The following SART3 variants were observed in gnomAD, a reference collection of about 807,000 sequenced individuals.
SART3 encodes spliceosome associated factor 3, U4/U6 recycling protein.
In SART3, 44 loss-of-function variants were observed where a neutral mutation model predicts 122.3. The observed-to-expected ratio is 0.36, with a 90% CI of 0.28 to 0.46. SART3 has a LOEUF of 0.46. SART3 is among the 20% of genes least tolerant of loss of function. SART3 has a pLI of 1.00. For synonymous variants in SART3, 442 were observed against 454.0 expected (o/e 0.97, Z 0.34); for missense variants, 1,101 against 1,229.0 (o/e 0.90, Z 1.56).
chr12:108,540,051 A>T (rs1873087047), intron 6 of SART3, among the ~76,000 whole-genome samples: 1 of 152,200 alleles, frequency 6.6e-6, no homozygotes, highest in African/African-American at 2.4e-5. Context: ...TTGGCAAAGA[A>T]AGATAGAAAA....
chr12:108,540,080 A>G (rs1873089430), intron 6 of SART3, among the ~76,000 whole-genome samples: 1 of 152,212 alleles, frequency 6.6e-6, no homozygotes, highest in South Asian at 2.1e-4. Flanking sequence ...AAGAAGCCCA[A>G]AAAACTTCAA....
chr12:108,560,781 G>A lies in SART3; in HGVS notation c.312+62C>T, dbSNP rs139412421. 101 of 1,471,324 alleles carry A rather than the reference G, an allele frequency of 6.9e-5. No individual in the cohort carries two copies. In the African/African-American group the frequency reaches 1.2e-3, roughly 18 times the overall value. 91.1% of individuals were successfully genotyped at this position (1,471,324 alleles called of 1,614,324 possible). ...CGCCGAGGACTAGGGAGGCGGGCCAGGACATGGGGACCCGAGGACCTGAAA... is the reference window on the plus strand; with the variant it reads ...CGCCGAGGACTAGGGAGGCGGGCCAAGACATGGGGACCCGAGGACCTGAAA... On this transcript the variant is annotated intron_variant, in intron 1 of 18. Transcript: ENST00000546815.
At chr12:108,527,715 G>A (rs1222142539) in intron 15 of SART3, among the ~76,000 whole-genome samples, 2 of 152,172 alleles carry the variant, frequency 1.3e-5, no homozygotes, top group Non-Finnish European at 2.9e-5. Context: ...TCACACATCT[G>A]TATTAAGAAA....
intron 13 of SART3, 142 bp downstream of exon 13, chr12:108,532,080 C>T: frequency 1.1e-5 from 8 of 704,864 alleles, no homozygotes; most frequent in Non-Finnish European, 1.8e-5. Context: ...TTTCAGGACA[C>T]TTGTGACAGT....
At chr12:108,556,236 C>T (rs999114810) in intron 1 of SART3, among the ~76,000 whole-genome samples, 5 of 152,110 alleles carry the variant, frequency 3.3e-5, no homozygotes, top group Non-Finnish European at 5.9e-5. Flanking sequence ...CTACTACAAG[C>T]TCATGCCACC....
In SART3 at chr12:108,531,189, A is replaced by G. The variant is rs1177988623; in HGVS notation, c.1746+15T>C. Reference sequence around the variant, plus strand: ...AGCTACCAGAGGTGCCAAAGACTTCAAACATTGTCATTACCTTCATTCTCT... The same window carrying G: ...AGCTACCAGAGGTGCCAAAGACTTCGAACATTGTCATTACCTTCATTCTCT... On this transcript the variant is annotated intron_variant, in intron 14 of 18. Transcript: ENST00000546815. 6.2e-7 allele frequency: 1 copy of G among 1,612,960 alleles called. No homozygotes were observed.
Position 108,558,997 on chromosome 12 carries a change from C to T in SART3, c.312+1846G>A, listed in dbSNP as rs531510337. 8.6e-5 allele frequency among the ~76,000 whole-genome samples: 12 copies of T among 140,260 alleles called. No individual in the cohort carries two copies. The East Asian group carries it at 2.5e-3, about 30-fold the overall frequency. 92.0% of individuals were successfully genotyped at this position (140,260 alleles called of 152,430 possible). Reference sequence around the variant, plus strand: ...GCAGTGAGCCGAGATCGTGCCACTGCACTCCAGCCTGGGCCACAGAGCAAG... The same window carrying T: ...GCAGTGAGCCGAGATCGTGCCACTGTACTCCAGCCTGGGCCACAGAGCAAG... On this transcript the variant is annotated intron_variant, in intron 1 of 18. Transcript: ENST00000546815.
chr12:108,548,611 C>T (rs1472505424), intron 2 of SART3, among the ~76,000 whole-genome samples: 1 of 152,168 alleles, frequency 6.6e-6, no homozygotes, highest in Non-Finnish European at 1.5e-5. Flanking sequence ...TATTAATATT[C>T]ATGAAGATTG....
rs368454974 is a variant in SART3, at chr12:108,530,189, C to T, written c.1868G>A (p.Arg623His). 2.0e-5 allele frequency: 33 copies of T among 1,614,062 alleles called. No individual in the cohort carries two copies. The highest frequency in any genetic ancestry group is 8.8e-5 in the South Asian group (8 of 91,088). Residue 623 changes from arginine (R) to histidine (H), a missense_variant, in exon 15 of 19, where the codon CGC becomes CAC. Around this residue, in one of 2 missense-constraint regions of SART3, gnomAD observed 885 missense variants for 1,080.1 expected, o/e 0.82. Transcript: ENST00000546815. ...KKKKIRGPEK[R>H]GADEDDEKEW... ...TTTCTCATCATCCTCATCTGCTCCG[C>T]GCTTCTCTGGGCCTCTGATCTTTTT...
chr12:108,559,039 G>GAAAAAAAAA (rs747479698), intron 1 of SART3, among the ~76,000 whole-genome samples: 18 of 103,892 alleles, frequency 1.7e-4, no homozygotes, highest in East Asian at 2.9e-4. Context: ...TCTCAAAAAA[G>GAAAAAAAAA]AAAAAAAAAA....
At chr12:108,523,820 C>T (rs1429117443) in intron 18 of SART3, 186 bp from the exon 19 acceptor site, 23 of 655,260 alleles carry the variant, frequency 3.5e-5, no homozygotes, top group Non-Finnish European at 5.8e-5. Context: ...CAGACTTGGC[C>T]TTGTTCAGTT....
At chr12:108,558,090 G>C (rs2030309709) in intron 1 of SART3, among the ~76,000 whole-genome samples, 1 of 152,112 alleles carries the variant, frequency 6.6e-6, no homozygotes, top group African/African-American at 2.4e-5. Context: ...GATCACTTGA[G>C]CCTGGGAGGT....
intron 8 of SART3, 117 bp downstream of exon 8, chr12:108,537,947 CT>C: frequency 2.9e-6 from 4 of 1,359,060 alleles, no homozygotes; most frequent in Non-Finnish European, 3.1e-6. Flanking sequence ...CTTTTTGTCA[CT>C]ACACTCCATA....
rs148500155 is a variant in SART3, at chr12:108,549,065, G to C, written c.439+23C>G. On this transcript the variant is annotated intron_variant, in intron 2 of 18. Transcript: ENST00000546815. ...GCAAGCCTTGTTTCTGTTTCTAAAA[G>C]CAGCCTGACTGCTGAAGCTTACCTT... The C allele has an allele frequency of 1.3e-3, 2,072 of 1,613,872 alleles. 1 individual carries two copies. Among genetic ancestry groups the C allele is most frequent in the Non-Finnish European group, 1.6e-3 (1,880 of 1,179,802 alleles).
At chr12:108,525,784 G>T in intron 16 of SART3, 175 bp from the exon 17 acceptor site, 1 of 685,424 alleles carries the variant, frequency 1.5e-6, no homozygotes. Flanking sequence ...ACCTCTCCAG[G>T]CCTCCATGTC....
intron 9 of SART3, 73 bp downstream of exon 9, chr12:108,537,415 A>T (rs1323361234): frequency 1.8e-6 from 2 of 1,108,252 alleles, no homozygotes; most frequent in Non-Finnish European, 2.8e-6. Flanking sequence ...GTATCTGGGG[A>T]ACTGGGACAT....
chr12:108,530,427 G>C, intron 14 of SART3, 117 bp from the exon 15 acceptor site: 4 of 1,202,858 alleles, frequency 3.3e-6, no homozygotes, highest in Non-Finnish European at 4.8e-6. Context: ...CAGAGATCAG[G>C]AGAAAAACGT....
rs1290057603 is a variant in SART3 at position 108,526,550 on chromosome 12, T to G, written c.1919A>C (p.Gln640Pro). Residue 640 changes from glutamine (Q) to proline (P), a missense_variant, in exon 16 of 19, where the codon CAG (glutamine) becomes CCG (proline). Transcript: ENST00000546815. Reference protein sequence around the residue: ...EKEWGDDEEEQPSKRRRVENS... With the variant: ...EKEWGDDEEEPPSKRRRVENS... ...CTCGACCCTTCTGCGTTTGGAAGGC[T>G]GCTCTACAGGTTTTCAAAAGAAAAG... 3 of 1,613,612 alleles carry G rather than the reference T, an allele frequency of 1.9e-6. No individual in the cohort carries two copies. Among genetic ancestry groups the G allele is most frequent in the Non-Finnish European group, 2.5e-6 (3 of 1,180,048 alleles).
chr12:108,536,425 T>C, intron 11 of SART3, 89 bp downstream of exon 11: 1 of 1,281,502 alleles, frequency 7.8e-7, no homozygotes, highest in Non-Finnish European at 1.1e-6. Context: ...GGCCATTATC[T>C]GGGATTCTGA....
Sources: allele counts gnomAD v4.1 joint callset (sites outside exome capture counted in the v4.1 genomes callset), GRCh38; gene constraint gnomAD v4.1.1; regional missense constraint gnomAD v4.1.1; transcripts MANE v1.5; gene names NCBI Gene and HGNC (gene_info 2026-07-23, HGNC 2026-07-21).